PSD3: variants seen among roughly 807,000 people sequenced by gnomAD.
The protein encoded by PSD3 is PH and SEC7 domain-containing protein 3.
In PSD3, 49 loss-of-function variants were observed where a neutral mutation model predicts 105.5. That is an observed-to-expected ratio of 0.46 (90% CI 0.37 to 0.59). The LOEUF is 0.59. PSD3 is among the 20% of genes least tolerant of loss of function. PSD3 has a pLI of 0.00. For missense variants in PSD3, 1,561 were observed against 1,263.8 expected, an observed-to-expected ratio of 1.24 and a Z score of -3.57; for synonymous variants, 557 against 457.8, an observed-to-expected ratio of 1.22 and a Z score of -2.77.
At chr8:18,704,785 A>G (rs1197451597) in intron 9 of PSD3, among the ~76,000 whole-genome samples, 1 of 152,208 alleles carries the variant, frequency 6.6e-6, no homozygotes, top group East Asian at 1.9e-4. Flanking sequence ...AAAAACTGAA[A>G]GTAGAAAAAT....
At chr8:18,680,869 A>C (rs1800347556) in intron 9 of PSD3, among the ~76,000 whole-genome samples, 1 of 152,244 alleles carries the variant, frequency 6.6e-6, no homozygotes, top group Non-Finnish European at 1.5e-5. Context: ...CATTTAAGAT[A>C]TCTCACTAAA....
At chr8:18,957,426 T>A (rs770684535) in intron 1 of PSD3, among the ~76,000 whole-genome samples, 8 of 151,096 alleles carry the variant, frequency 5.3e-5, no homozygotes, top group Non-Finnish European at 1.2e-4. Context: ...CTGTACAATG[T>A]GAGCAATGAC....
rs575267018 is a variant in PSD3 at position 18,534,033 on chromosome 8, G to C, written c.*1710C>G. On this transcript the variant is annotated 3_prime_UTR_variant, in exon 16 of 16. Transcript: ENST00000327040. ...AGTCATGGACATTTACAGAGGGGAA[G>C]GAAGTAAACGTTAATAAATAATTCT... 6.6e-6 allele frequency: 1 copy of C among 152,198 alleles called. No homozygotes were observed. The highest frequency in any genetic ancestry group is 2.1e-4 in the South Asian group (1 of 4,822). 9.4% of individuals were successfully genotyped at this position (152,198 alleles called of 1,614,324 possible). A position where few individuals can be genotyped will look rare whatever the true frequency, so the allele number is the denominator to read the frequency against.
At chr8:18,771,329 C>T (rs1807509315) in intron 8 of PSD3, among the ~76,000 whole-genome samples, 1 of 152,206 alleles carries the variant, frequency 6.6e-6, no homozygotes, top group African/African-American at 2.4e-5. Context: ...TGCCTCTTGT[C>T]CCTATCACTT....
chr8:18,972,635 T>A (rs1039746236), intron 1 of PSD3, among the ~76,000 whole-genome samples: 1 of 152,172 alleles, frequency 6.6e-6, no homozygotes, highest in Admixed American at 6.5e-5. Flanking sequence ...GGTAATTAGG[T>A]CATAAGGGTG....
rs117237445 is a variant in PSD3 at position 18,981,527 on chromosome 8, A to C, written c.21+32036T>G. Among the ~76,000 whole-genome samples the C allele has an allele frequency of 1.7e-4, 26 of 152,346 alleles. 1 individual carries two copies. The East Asian group carries it at 4.8e-3, about 28-fold the overall frequency. ...TAAGGAACAAGTAAGCTAGCACTTG[A>C]AAAGTATTTAGAAGACTTCCTGTTA... On this transcript the variant is annotated intron_variant, in intron 1 of 15. Transcript: ENST00000327040.
intron 9 of PSD3, among the ~76,000 whole-genome samples, chr8:18,662,720 C>T (rs1005325906): frequency 2.6e-5 from 4 of 152,136 alleles, no homozygotes; most frequent in Non-Finnish European, 5.9e-5. Context: ...TAGCTATCAC[C>T]CAGCCAAACT....
chr8:18,746,267 C>G (rs1418665341), intron 9 of PSD3, among the ~76,000 whole-genome samples: 1 of 152,188 alleles, frequency 6.6e-6, no homozygotes, highest in Non-Finnish European at 1.5e-5. Flanking sequence ...CATGCACTCC[C>G]CATTCTGAGT....
intron 11 of PSD3, among the ~76,000 whole-genome samples, chr8:18,622,300 C>T (rs1236337851): frequency 6.6e-6 from 1 of 152,136 alleles, no homozygotes; most frequent in African/African-American, 2.4e-5. Context: ...TTCTTCCCAC[C>T]TCCTCTGTTC....
rs573668110 is a variant in PSD3 at position 18,867,854 on chromosome 8, C to T, written c.1454G>A (p.Arg485His). ...CAAGAACTGACCACCTTCTTTAATG[C>T]GCTGTTGTATCATTGGAGTGAGGGG... ...EMPLTPMIQQ[R>H]IKEGGQFLER... is the part of the protein sequence containing the mutation. Residue 485 changes from arginine (R) to histidine (H), a missense_variant, in exon 4 of 16, where the codon CGC (arginine) becomes CAC (histidine). Arg to His is a conservative substitution (Grantham distance 29). Coordinates refer to ENST00000327040, the MANE Select transcript of PSD3 (RefSeq NM_015310.4). 15 of 1,614,126 alleles carry T rather than the reference C, an allele frequency of 9.3e-6. No individual in the cohort carries two copies. Among genetic ancestry groups the T allele is most frequent in the East Asian group, 4.5e-5 (2 of 44,880 alleles).
intron 1 of PSD3, among the ~76,000 whole-genome samples, chr8:19,073,550 C>CAAAAAAAAAAAAAAA (rs869154642): frequency 2.9e-5 from 2 of 69,154 alleles, no homozygotes; most frequent in African/African-American, 6.1e-5. Flanking sequence ...AACTGTCTCT[C>CAAAAAAAAAAAAAAA]AAAAAAAAAA....
intron 10 of PSD3, 124 bp downstream of exon 10, chr8:18,655,518 T>G: frequency 3.3e-6 from 3 of 901,354 alleles, no homozygotes; most frequent in East Asian, 2.5e-5. Context: ...GGTAAGACAC[T>G]TGGTGTAAAA....
chr8:18,612,225 T>C (rs1025144985), intron 11 of PSD3, among the ~76,000 whole-genome samples: 1 of 152,240 alleles, frequency 6.6e-6, no homozygotes, highest in African/African-American at 2.4e-5. Context: ...CTCATTTCTC[T>C]GGAGTCCATG....
At chr8:18,748,451 G>A (rs1297265434) in intron 9 of PSD3, among the ~76,000 whole-genome samples, 1 of 151,894 alleles carries the variant, frequency 6.6e-6, no homozygotes, top group Non-Finnish European at 1.5e-5. Flanking sequence ...ACGAGGCCAG[G>A]AGATCGAGAC....
intron 4 of PSD3, among the ~76,000 whole-genome samples, chr8:18,812,871 G>C (rs916251254): frequency 6.6e-6 from 1 of 152,114 alleles, no homozygotes; most frequent in East Asian, 1.9e-4. Context: ...TGCACTGTCA[G>C]AGCTTTGAGT....
At chr8:18,676,540 A>G (rs949091141) in intron 9 of PSD3, among the ~76,000 whole-genome samples, 3 of 152,210 alleles carry the variant, frequency 2.0e-5, no homozygotes, top group African/African-American at 7.2e-5. Context: ...TGGCCTTAGG[A>G]GATTTAACAG....
chr8:19,047,287 C>A (rs1828353478), intron 1 of PSD3, among the ~76,000 whole-genome samples: 1 of 152,144 alleles, frequency 6.6e-6, no homozygotes, highest in African/African-American at 2.4e-5. Flanking sequence ...TTCATGTGGC[C>A]TCCCTGTGGC....
At chr8:18,929,644 A>G (rs1821606782) in intron 2 of PSD3, among the ~76,000 whole-genome samples, 1 of 152,012 alleles carries the variant, frequency 6.6e-6, no homozygotes, top group African/African-American at 2.4e-5. Flanking sequence ...AGCCAGAGCA[A>G]CTCCACCTGT....
At chr8:18,806,651 T>TTTG (rs200422197) in intron 4 of PSD3, among the ~76,000 whole-genome samples, 5,443 of 152,318 alleles carry the variant, frequency 0.036, 144 homozygotes, top group Middle Eastern at 0.12. Context: ...CACATGCTGC[T>TTTG]TTGTTGTTGT....
Sources: gnomAD v4.1 joint callset for allele counts (sites outside exome capture counted in the v4.1 genomes callset) on GRCh38, gnomAD v4.1.1 for gene constraint, MANE v1.5 for transcripts, NCBI Gene and HGNC (gene_info 2026-07-23, HGNC 2026-07-21) for gene names.